CSMD1: variants seen among roughly 807,000 people sequenced by gnomAD.
The protein encoded by CSMD1 is CUB and Sushi multiple domains 1, also known as CUB and sushi domain-containing protein 1.
A neutral mutation model predicts 417.5 loss-of-function variants in CSMD1; 213 were observed. The observed-to-expected ratio is 0.51, with a 90% CI of 0.46 to 0.57. CSMD1 has a LOEUF of 0.57. Among genes scored for constraint, CSMD1 ranks in the 20% least tolerant of loss-of-function variants. CSMD1 has a pLI of 0.00. For missense variants in CSMD1, 6,923 were observed against 4,529.7 expected (o/e 1.53, Z -15.17); for synonymous variants, 2,862 against 1,736.8 (o/e 1.65, Z -16.11).
intron 6 of CSMD1, among the ~76,000 whole-genome samples, chr8:3,715,964 G>A (rs1476781574): frequency 1.3e-5 from 2 of 152,240 alleles, no homozygotes; most frequent in African/African-American, 4.8e-5. Flanking sequence ...CCCCTCAGAT[G>A]AACGGTTCTC....
intron 3 of CSMD1, among the ~76,000 whole-genome samples, chr8:4,369,179 G>C (rs1470146191): frequency 2.0e-5 from 3 of 151,898 alleles, no homozygotes; most frequent in African/African-American, 4.8e-5. Context: ...AACTTTTTTT[G>C]ATTTCTGACT....
Position 3,313,615 on chromosome 8 carries a change from AAAC to A in CSMD1, c.3632-5115_3632-5113del, listed in dbSNP as rs572305551. ...AGCAATCAATCATTAAAAAGTCAGG[AAAC>A]AACAGGTGCTGGAGAGGATGTGGAG... On this transcript the variant is annotated intron_variant, in intron 23 of 69. Coordinates refer to ENST00000635120, the MANE Select transcript of CSMD1 (RefSeq NM_033225.6). Among the ~76,000 whole-genome samples the A allele has an allele frequency of 2.4e-3, 361 of 152,296 alleles. 1 individual carries two copies. The highest frequency in any genetic ancestry group is 2.9e-3 in the Non-Finnish European group (197 of 68,028).
At chr8:3,953,538 A>T (rs191412738) in intron 5 of CSMD1, among the ~76,000 whole-genome samples, 44 of 152,162 alleles carry the variant, frequency 2.9e-4, no homozygotes, top group East Asian at 1.9e-3. Flanking sequence ...CCCTGAGTGG[A>T]GTTTTACAGC....
intron 3 of CSMD1, among the ~76,000 whole-genome samples, chr8:4,097,332 G>A (rs1045827189): frequency 1.3e-5 from 2 of 152,252 alleles, no homozygotes; most frequent in South Asian, 4.1e-4. Flanking sequence ...ATTTGCCTCA[G>A]TTGACACCTT....
intron 3 of CSMD1, among the ~76,000 whole-genome samples, chr8:4,289,930 G>A (rs1013826041): frequency 6.6e-6 from 1 of 152,170 alleles, no homozygotes; most frequent in Non-Finnish European, 1.5e-5. Context: ...TGAGTAATTA[G>A]AATCATTATT....
At chr8:4,714,474 G>A (rs1277282870) in intron 1 of CSMD1, among the ~76,000 whole-genome samples, 3 of 152,158 alleles carry the variant, frequency 2.0e-5, no homozygotes, top group African/African-American at 7.2e-5. Flanking sequence ...GCTTTCATAT[G>A]CTTCATCTTA....
intron 3 of CSMD1, among the ~76,000 whole-genome samples, chr8:4,194,968 G>T (rs971343183): frequency 1.3e-5 from 2 of 151,708 alleles, no homozygotes; most frequent in Non-Finnish European, 1.5e-5. Context: ...ATATGAGAAT[G>T]GACTATCTAG....
intron 1 of CSMD1, among the ~76,000 whole-genome samples, chr8:4,733,693 T>G (rs1004849723): frequency 6.6e-6 from 1 of 152,314 alleles, no homozygotes; most frequent in African/African-American, 2.4e-5. Flanking sequence ...CTATTTTTCC[T>G]TTCTCCTATC....
intron 2 of CSMD1, among the ~76,000 whole-genome samples, chr8:4,546,414 T>C (rs565225843): frequency 3.9e-5 from 6 of 152,178 alleles, no homozygotes; most frequent in Admixed American, 1.3e-4. Flanking sequence ...ATATTAGAGT[T>C]TGAATCGGCA....
intron 5 of CSMD1, among the ~76,000 whole-genome samples, chr8:3,827,308 G>A (rs1041907766): frequency 3.3e-5 from 5 of 152,044 alleles, no homozygotes; most frequent in East Asian, 1.9e-4. Context: ...TAGAGTCAAA[G>A]GCTCTATATA....
At chr8:4,434,788 C>G (rs535183502) in intron 2 of CSMD1, among the ~76,000 whole-genome samples, 3 of 152,262 alleles carry the variant, frequency 2.0e-5, no homozygotes, top group Admixed American at 2.0e-4. Context: ...ACACTCCAGA[C>G]CCTGCACCGC....
chr8:4,070,491 G>A (rs556004100), intron 3 of CSMD1, among the ~76,000 whole-genome samples: 3 of 152,022 alleles, frequency 2.0e-5, no homozygotes, highest in Non-Finnish European at 4.4e-5. Context: ...CCGAGTAGCT[G>A]GGACTACAGG....
intron 3 of CSMD1, among the ~76,000 whole-genome samples, chr8:4,093,365 T>G (rs1800820888): frequency 6.6e-6 from 1 of 152,172 alleles, no homozygotes; most frequent in Admixed American, 6.5e-5. Flanking sequence ...AAAGTTAAAT[T>G]TTATATTTAA....
intron 1 of CSMD1, among the ~76,000 whole-genome samples, chr8:4,716,639 G>A (rs1808677884): frequency 6.6e-6 from 1 of 152,032 alleles, no homozygotes; most frequent in Non-Finnish European, 1.5e-5. Flanking sequence ...CCGAATTCCT[G>A]GCCTATTCAG....
chr8:3,113,273 C>G (rs1211247359), intron 42 of CSMD1: 1 of 152,206 alleles, frequency 6.6e-6, no homozygotes, highest in African/African-American at 2.4e-5. Flanking sequence ...ACCATGGCAT[C>G]AGCAACTGAA....
At chr8:4,919,799 A>T (rs138189055) in intron 1 of CSMD1, among the ~76,000 whole-genome samples, 1 of 152,248 alleles carries the variant, frequency 6.6e-6, no homozygotes, top group African/African-American at 2.4e-5. Context: ...AGGTCCCCCC[A>T]TTATAAAAGG....
chr8:3,263,807 T>C (rs935182019), intron 26 of CSMD1, among the ~76,000 whole-genome samples: 6 of 152,228 alleles, frequency 3.9e-5, no homozygotes, highest in African/African-American at 1.4e-4. Context: ...AAGACACTAA[T>C]AGTTTTGCTT....
intron 3 of CSMD1, among the ~76,000 whole-genome samples, chr8:4,118,866 G>C (rs151039869): frequency 1.1e-4 from 17 of 152,298 alleles, no homozygotes; most frequent in African/African-American, 3.9e-4. Context: ...TGTTAGACTG[G>C]ATAAAGAAAT....
At chr8:4,169,763 C>G (rs142238584) in intron 3 of CSMD1, among the ~76,000 whole-genome samples, 126 of 152,260 alleles carry the variant, frequency 8.3e-4, no homozygotes, top group African/African-American at 2.8e-3. Context: ...GAGGACTATT[C>G]ATGGGATGCT....
Sources: gnomAD v4.1 joint callset for allele counts (sites outside exome capture counted in the v4.1 genomes callset) on GRCh38, gnomAD v4.1.1 for gene constraint, MANE v1.5 for transcripts, NCBI Gene and HGNC (gene_info 2026-07-23, HGNC 2026-07-21) for gene names.